Variants in KMT2C observed in about 807,000 individuals in gnomAD.
KMT2C encodes histone-lysine N-methyltransferase 2C.
KMT2C carries 88 observed loss-of-function variants against 507.9 expected under a neutral mutation model. The ratio of observed to expected loss-of-function variants is 0.17; its 90% CI spans 0.15 to 0.21. KMT2C has a LOEUF of 0.21. Ranked by LOEUF, KMT2C falls within the 10% of genes least tolerant of loss-of-function variation. KMT2C has a pLI of 1.00. For missense variants in KMT2C, 4,954 were observed against 5,957.8 expected (o/e 0.83, Z 5.55); for synonymous variants, 2,049 against 2,080.8 (o/e 0.98, Z 0.42).
chr7:152,338,550 A>C (rs2096959641), intron 2 of KMT2C, among the ~76,000 whole-genome samples: 1 of 152,226 alleles, frequency 6.6e-6, no homozygotes, highest in Non-Finnish European at 1.5e-5. Flanking sequence ...TAAAAGGATA[A>C]ATCAAAGTGT....
At chr7:152,292,657 C>T (rs2096447156) in intron 6 of KMT2C, among the ~76,000 whole-genome samples, 1 of 152,130 alleles carries the variant, frequency 6.6e-6, no homozygotes, top group African/African-American at 2.4e-5. Flanking sequence ...AATGTGACCC[C>T]ACAGGCTGTC....
rs1161071162 is a variant in KMT2C at position 152,179,831 on chromosome 7, T to C, written c.7442+3A>G. On this transcript the variant is annotated splice_donor_region_variant and intron_variant, in intron 37 of 58. Transcript: ENST00000262189. ...AAATTCGGCAGGAAATTAAAAGCAT[T>C]ACCTAAATCCATGAGGTCTCATCCC... 4.3e-6 allele frequency: 7 copies of C among 1,611,694 alleles called. No individual in the cohort carries two copies. The Admixed American group carries it at 6.7e-5, about 15-fold the overall frequency.
intron 42 of KMT2C, among the ~76,000 whole-genome samples, chr7:152,165,810 T>A (rs2092702014): frequency 6.6e-6 from 1 of 152,130 alleles, no homozygotes; most frequent in South Asian, 2.1e-4. Context: ...TGCCTCAACC[T>A]CCCAAGCAGC....
In KMT2C at chr7:152,203,052, T is replaced by C. The variant is rs371532518; in HGVS notation, c.3974A>G (p.Gln1325Arg). The change falls in exon 26 of 59, where the codon CAG becomes CGG. Residue 1325 changes from glutamine (Q) to arginine (R), a missense_variant. Physicochemically the swap from Gln to Arg is conservative, Grantham distance 43. Around this residue, in one of 29 missense-constraint regions of KMT2C, gnomAD observed 176 missense variants for 262.0 expected, o/e 0.67. Coordinates refer to ENST00000262189, the MANE Select transcript of KMT2C (RefSeq NM_170606.3). ...LPCRDDGWSE[Q>R]LPDTLVDESV... Reference sequence around the variant, plus strand: ...TTCATCAACTAAAGTATCTGGTAACTGCTCACTCCAGCCTGAAACAACAGT... The same window carrying C: ...TTCATCAACTAAAGTATCTGGTAACCGCTCACTCCAGCCTGAAACAACAGT... 5.6e-6 allele frequency: 9 copies of C among 1,609,318 alleles called. No individual in the cohort carries two copies. The Admixed American group carries it at 8.4e-5, about 15-fold the overall frequency.
rs2129113333 is a variant in KMT2C at position 152,176,609 on chromosome 7, G to A, written c.8844C>T (p.Ser2948=). The change falls in exon 38 of 59, where the codon TCC becomes TCT. Residue 2948 remains serine, a synonymous_variant. Transcript: ENST00000262189. ...PPPPTLPASP[S]NHVSSLPPFI... is the part of the protein sequence containing the mutation. ...AAGGAGGCAAACTTGACACATGATT[G>A]GATGGGGAGGCCGGCAGAGTTGGTG... The A allele has an allele frequency of 2.5e-6, 4 of 1,614,142 alleles. No homozygotes were observed. The highest frequency in any genetic ancestry group is 3.4e-6 in the Non-Finnish European group (4 of 1,180,024).
chr7:152,392,957 T>A (rs1472268569), intron 1 of KMT2C, among the ~76,000 whole-genome samples: 1 of 152,162 alleles, frequency 6.6e-6, no homozygotes, highest in Non-Finnish European at 1.5e-5. Context: ...TAGCCGGGTG[T>A]GGTGGTATGC....
chr7:152,180,231 G>A, intron 36 of KMT2C, 105 bp from the exon 37 acceptor site: 1 of 1,263,700 alleles, frequency 7.9e-7, no homozygotes, highest in East Asian at 2.3e-5. Flanking sequence ...ATGTTGCCCA[G>A]GCTGGCCTCA....
chr7:152,186,452 G>C (rs75466716), intron 33 of KMT2C, among the ~76,000 whole-genome samples: 1 of 152,156 alleles, frequency 6.6e-6, no homozygotes, highest in Non-Finnish European at 1.5e-5. Flanking sequence ...AGGTCTCCCT[G>C]CATCAAACCA....
chr7:152,351,040 C>T (rs1444854869), intron 2 of KMT2C, among the ~76,000 whole-genome samples: 3 of 152,178 alleles, frequency 2.0e-5, no homozygotes, highest in Non-Finnish European at 4.4e-5. Context: ...TCCACCTCCA[C>T]ATTTTGCCCT....
At chr7:152,193,226 C>G (rs1453837011) in intron 31 of KMT2C, among the ~76,000 whole-genome samples, 1 of 152,096 alleles carries the variant, frequency 6.6e-6, no homozygotes, top group African/African-American at 2.4e-5. Context: ...CACCATGCAA[C>G]TCCATAAACT....
intron 31 of KMT2C, among the ~76,000 whole-genome samples, chr7:152,192,612 C>T (rs2093835814): frequency 1.3e-5 from 2 of 151,624 alleles, no homozygotes; most frequent in Admixed American, 6.6e-5. Flanking sequence ...AGTATATTAC[C>T]CAAATGTAAA....
chr7:152,391,142 C>CAAAAAAA (rs1195125465), intron 1 of KMT2C, among the ~76,000 whole-genome samples: 1,040 of 34,736 alleles, frequency 0.03, 200 homozygotes, highest in East Asian at 0.047. Context: ...AGACTGTCTC[C>CAAAAAAA]AAAAAAAAAA....
intron 2 of KMT2C, among the ~76,000 whole-genome samples, chr7:152,331,481 C>CA (rs2096882146): frequency 6.6e-6 from 1 of 151,594 alleles, no homozygotes; most frequent in Admixed American, 6.6e-5. Context: ...TAGTGGCACA[C>CA]ACCTGTAGTC....
At chr7:152,223,106 T>G (rs1417953574) in intron 20 of KMT2C, among the ~76,000 whole-genome samples, 1 of 152,100 alleles carries the variant, frequency 6.6e-6, no homozygotes, top group Non-Finnish European at 1.5e-5. Context: ...AATCGGGAAA[T>G]TAAGTAAAAA....
At chr7:152,295,305 G>A (rs1281318170) in intron 6 of KMT2C, among the ~76,000 whole-genome samples, 1 of 152,092 alleles carries the variant, frequency 6.6e-6, no homozygotes, top group Non-Finnish European at 1.5e-5. Flanking sequence ...TTATTTAAAA[G>A]GTACATTACT....
chr7:152,162,987 A>G lies in KMT2C; in HGVS notation c.10590T>C (p.Ser3530=). The G allele has an allele frequency of 3.1e-6, 5 of 1,614,238 alleles. No homozygotes were observed. Among genetic ancestry groups the G allele is most frequent in the Non-Finnish European group, 4.2e-6 (5 of 1,180,046 alleles). ...GATTTCCATGTCCCTGCTTCACAGAAGAAAAATTTGGGCTTCCAACAGGGA... is the reference window on the plus strand; with the variant it reads ...GATTTCCATGTCCCTGCTTCACAGAGGAAAAATTTGGGCTTCCAACAGGGA... ...PSIPVGSPNF[S]SVKQGHGNLS... Residue 3530 remains serine (S), a synonymous_variant, in exon 43 of 59, where the codon TCT becomes TCC. Coordinates refer to ENST00000262189, the MANE Select transcript of KMT2C (RefSeq NM_170606.3).
intron 2 of KMT2C, among the ~76,000 whole-genome samples, chr7:152,351,364 C>T (rs1178695947): frequency 6.6e-6 from 1 of 152,132 alleles, no homozygotes; most frequent in African/African-American, 2.4e-5. Flanking sequence ...GTGAGTAATG[C>T]ACTATGTTGC....
chr7:152,315,883 A>C (rs2096718518), intron 3 of KMT2C, among the ~76,000 whole-genome samples: 2 of 152,196 alleles, frequency 1.3e-5, no homozygotes, highest in Non-Finnish European at 2.9e-5. Flanking sequence ...ACTGCACTCC[A>C]GCCTGGGTGA....
intron 1 of KMT2C, among the ~76,000 whole-genome samples, chr7:152,362,466 C>CT (rs2097204861): frequency 6.6e-6 from 1 of 151,994 alleles, no homozygotes; most frequent in African/African-American, 2.4e-5. Context: ...ACTAGAAATC[C>CT]TCGAAACAAT....
Sources: allele counts gnomAD v4.1 joint callset (sites outside exome capture counted in the v4.1 genomes callset), GRCh38; gene constraint gnomAD v4.1.1; regional missense constraint gnomAD v4.1.1; transcripts MANE v1.5; gene names NCBI Gene and HGNC (gene_info 2026-07-23, HGNC 2026-07-21).